The following STRN3 variants were observed in gnomAD, a reference collection of about 807,000 sequenced individuals.
STRN3 encodes striatin 3, also known as striatin-3.
Under a neutral mutation model 95.6 loss-of-function variants are expected in STRN3, and 29 were observed. That is an observed-to-expected ratio of 0.30 (90% CI 0.23 to 0.41). STRN3 has a LOEUF of 0.41. Ranked by LOEUF, STRN3 falls within the 10% of genes least tolerant of loss-of-function variation. STRN3 has a pLI of 1.00. For synonymous variants in STRN3, 331 were observed against 357.6 expected, an observed-to-expected ratio of 0.93 and a Z score of 0.84; for missense variants, 890 against 972.1, an observed-to-expected ratio of 0.92 and a Z score of 1.12.
chr14:30,916,666 G>A (rs1415227659), intron 9 of STRN3, among the ~76,000 whole-genome samples: 1 of 152,104 alleles, frequency 6.6e-6, no homozygotes, highest in African/African-American at 2.4e-5. Context: ...CTGGGCTCAA[G>A]TGATCCTCCT....
rs1191228558 is a variant in STRN3 at position 30,950,820 on chromosome 14, T to C, written c.542+43A>G. 5 of 1,567,686 alleles carry C rather than the reference T, an allele frequency of 3.2e-6. No individual in the cohort carries two copies. The East Asian group carries it at 6.7e-5, about 21-fold the overall frequency. On this transcript the variant is annotated intron_variant, in intron 4 of 17. Transcript: ENST00000357479. ...AAGTGATTCAGTATAAGCACTTTCA[T>C]ACCTAGATCCTTAAAGAAGGTTGAA... is the stretch of plus-strand genomic sequence containing the variant.
intron 1 of STRN3, among the ~76,000 whole-genome samples, chr14:31,023,120 T>C (rs1260222479): frequency 2.0e-5 from 3 of 152,216 alleles, no homozygotes; most frequent in African/African-American, 7.2e-5. Context: ...TGTAGTAATT[T>C]TTCTCTTTAA....
intron 1 of STRN3, among the ~76,000 whole-genome samples, chr14:30,970,741 A>G (rs1448822031): frequency 6.6e-6 from 1 of 152,228 alleles, no homozygotes; most frequent in East Asian, 1.9e-4. Context: ...AAAGTTAAAG[A>G]CTTAAAACAA....
intron 1 of STRN3, among the ~76,000 whole-genome samples, chr14:30,989,947 C>CA (rs1566478507): frequency 1.3e-5 from 2 of 151,198 alleles, no homozygotes; most frequent in Non-Finnish European, 2.9e-5. Context: ...AAGACTAAAT[C>CA]AAAAAAATGG....
At chr14:30,964,029 A>C (rs1594506009) in intron 1 of STRN3, among the ~76,000 whole-genome samples, 1 of 152,160 alleles carries the variant, frequency 6.6e-6, no homozygotes, top group Admixed American at 6.5e-5. Context: ...AGGCAGGCGG[A>C]TCACTTGAGG....
intron 1 of STRN3, among the ~76,000 whole-genome samples, chr14:30,969,372 G>A (rs2139190006): frequency 6.6e-6 from 1 of 152,126 alleles, no homozygotes; most frequent in South Asian, 2.1e-4. Context: ...GGGAGGCGGA[G>A]CTTGCAATGA....
intron 1 of STRN3, among the ~76,000 whole-genome samples, chr14:30,986,674 G>A (rs759286251): frequency 1.3e-5 from 2 of 152,176 alleles, no homozygotes; most frequent in Non-Finnish European, 2.9e-5. Flanking sequence ...CATAATGCAG[G>A]TGCCAGCTAA....
rs1259605451 is a variant in STRN3, at chr14:30,915,088, AAC to A, written c.1241-1433_1241-1432del. On this transcript the variant is annotated intron_variant, in intron 9 of 17. Transcript: ENST00000357479. ...CATAATATAAAACTCAATATATCAA[AAC>A]ACACTTAAAATTCATGAGCAAATTT... Among the ~76,000 whole-genome samples, 6 of 152,326 alleles carry A rather than the reference AAC, an allele frequency of 3.9e-5. No individual in the cohort carries two copies. In the East Asian group the frequency reaches 5.8e-4, roughly 15 times the overall value.
At chr14:30,996,033 A>G (rs1054196377) in intron 1 of STRN3, among the ~76,000 whole-genome samples, 5 of 152,186 alleles carry the variant, frequency 3.3e-5, no homozygotes, top group Non-Finnish European at 7.3e-5. Flanking sequence ...AGAGTTCCAC[A>G]TTGGGTTCAA....
At chr14:30,963,837 AAAG>A (rs1317406249) in intron 1 of STRN3, among the ~76,000 whole-genome samples, 3 of 152,246 alleles carry the variant, frequency 2.0e-5, no homozygotes, top group Admixed American at 1.3e-4. Context: ...CAACACACTC[AAAG>A]AAGAAAAATT....
At chr14:30,975,836 TAAAAAAAAAAAA>T (rs528570710) in intron 1 of STRN3, among the ~76,000 whole-genome samples, 2 of 113,146 alleles carry the variant, frequency 1.8e-5, no homozygotes, top group Non-Finnish European at 3.4e-5. Context: ...CCTGGCTCTT[TAAAAAAAAAAAA>T]AAAAAAAAAA....
intron 3 of STRN3, among the ~76,000 whole-genome samples, chr14:30,953,515 T>C (rs955869194): frequency 2.6e-5 from 4 of 152,258 alleles, no homozygotes; most frequent in African/African-American, 9.6e-5. Context: ...TGAAGACTGT[T>C]CTAGTTGTTT....
intron 1 of STRN3, among the ~76,000 whole-genome samples, chr14:31,013,886 T>TATTTGAGACAGAGTGTC (rs1883099886): frequency 7.3e-6 from 1 of 136,210 alleles, no homozygotes; most frequent in Non-Finnish European, 1.6e-5. Context: ...TTATTATTAT[T>TATTTGAGACAGAGTGTC]ATTATTATTA....
At chr14:30,900,699 A>C (rs1020917793) in intron 16 of STRN3, among the ~76,000 whole-genome samples, 1 of 150,376 alleles carries the variant, frequency 6.6e-6, no homozygotes, top group African/African-American at 2.4e-5. Flanking sequence ...CAGTGAGCTG[A>C]GATGGTGCCA....
intron 13 of STRN3, among the ~76,000 whole-genome samples, chr14:30,908,081 T>C (rs1251976368): frequency 2.0e-5 from 3 of 152,194 alleles, no homozygotes; most frequent in Non-Finnish European, 4.4e-5. Flanking sequence ...AGCTTCCAGA[T>C]ACAAGCAAGG....
At chr14:30,975,555 A>AAAAAG (rs1555323063) in intron 1 of STRN3, among the ~76,000 whole-genome samples, 1 of 143,262 alleles carries the variant, frequency 7.0e-6, no homozygotes, top group African/African-American at 2.6e-5. Context: ...AAAAAAAAAA[A>AAAAAG]AAGAAGAAGA....
intron 1 of STRN3, among the ~76,000 whole-genome samples, chr14:30,980,819 T>TA (rs1881360458): frequency 6.6e-6 from 1 of 152,064 alleles, no homozygotes. Context: ...AAACACTAGA[T>TA]ATAGGTGAGT....
At chr14:30,972,846 A>G (rs1880902998) in intron 1 of STRN3, among the ~76,000 whole-genome samples, 1 of 152,164 alleles carries the variant, frequency 6.6e-6, no homozygotes, top group South Asian at 2.1e-4. Flanking sequence ...TGCCTCCCAC[A>G]ACGAAAAGTG....
chr14:30,987,666 T>C (rs554716801), intron 1 of STRN3, among the ~76,000 whole-genome samples: 1 of 152,264 alleles, frequency 6.6e-6, no homozygotes, highest in South Asian at 2.1e-4. Flanking sequence ...AATATTTGCA[T>C]TCCAGAAAGA....
Sources: allele counts gnomAD v4.1 joint callset (sites outside exome capture counted in the v4.1 genomes callset), GRCh38; gene constraint gnomAD v4.1.1; transcripts MANE v1.5; gene names NCBI Gene and HGNC (gene_info 2026-07-23, HGNC 2026-07-21).